Variants in NBEA observed in about 807,000 individuals in gnomAD.
NBEA encodes lysosomal-trafficking regulator 2.
A neutral mutation model predicts 343.4 loss-of-function variants in NBEA; 44 were observed. The observed-to-expected ratio is 0.13, with a 90% CI of 0.10 to 0.16. The LOEUF is 0.16. Ranked by LOEUF, NBEA falls within the 10% of genes least tolerant of loss-of-function variation. The pLI is 1.00. For missense variants in NBEA, 2,555 were observed against 3,631.3 expected, an observed-to-expected ratio of 0.70 and a Z score of 7.62; for synonymous variants, 1,175 against 1,238.7, an observed-to-expected ratio of 0.95 and a Z score of 1.08.
At chr13:34,971,734 G>A (rs2060001896) in intron 1 of NBEA, among the ~76,000 whole-genome samples, 1 of 152,014 alleles carries the variant, frequency 6.6e-6, no homozygotes, top group East Asian at 1.9e-4. Context: ...GTTTGTTGAT[G>A]TGCTGCTGGA....
chr13:35,348,637 A>G (rs1165523217), intron 36 of NBEA, among the ~76,000 whole-genome samples: 2 of 152,122 alleles, frequency 1.3e-5, no homozygotes, highest in African/African-American at 4.8e-5. Context: ...AAGAATCTAC[A>G]TGGTTTATCT....
chr13:34,950,093 A>G (rs929388825), intron 1 of NBEA, among the ~76,000 whole-genome samples: 2 of 151,958 alleles, frequency 1.3e-5, no homozygotes, highest in Non-Finnish European at 2.9e-5. Flanking sequence ...CTTGATTTTT[A>G]TGGTCTGGGG....
intron 49 of NBEA, among the ~76,000 whole-genome samples, chr13:35,643,969 T>C (rs1297501824): frequency 6.6e-6 from 1 of 152,150 alleles, no homozygotes; most frequent in African/African-American, 2.4e-5. Flanking sequence ...AGATAGTAGG[T>C]GCTCACTCTC....
chr13:35,075,243 T>C (rs180946666), intron 10 of NBEA, among the ~76,000 whole-genome samples: 96 of 152,268 alleles, frequency 6.3e-4, no homozygotes, highest in Non-Finnish European at 1.1e-3. Flanking sequence ...TATCTGATTG[T>C]AATATGAATT....
At chr13:35,475,455 G>T in intron 41 of NBEA, 8 of 1,612,900 alleles carry the variant, frequency 5.0e-6, no homozygotes, top group Non-Finnish European at 6.8e-6. Flanking sequence ...GCACCCAGGC[G>T]TCGCTCTCCG....
At chr13:35,599,540 G>C (rs1314648586) in intron 47 of NBEA, among the ~76,000 whole-genome samples, 1 of 152,162 alleles carries the variant, frequency 6.6e-6, no homozygotes. Context: ...TGTTTCTATA[G>C]CAAGGGAGCC....
intron 36 of NBEA, among the ~76,000 whole-genome samples, chr13:35,342,354 A>G (rs1321815578): frequency 6.6e-6 from 1 of 152,068 alleles, no homozygotes; most frequent in Non-Finnish European, 1.5e-5. Context: ...TTGTTATGTG[A>G]AATATATCTC....
Position 35,550,812 on chromosome 13 carries a change from A to C in NBEA, c.6704-118A>C, listed in dbSNP as rs1382277273. ...AAGTTATACTGAAAGCTGATTTTTCATGAAGATTCATTAGCTTTACAAATA... is the reference window on the plus strand; with the variant it reads ...AAGTTATACTGAAAGCTGATTTTTCCTGAAGATTCATTAGCTTTACAAATA... On this transcript the variant is annotated intron_variant, in intron 42 of 58. Coordinates refer to ENST00000379939, the MANE Select transcript of NBEA (RefSeq NM_001385012.1). 3.1e-5 allele frequency: 21 copies of C among 680,904 alleles called. No individual in the cohort carries two copies. The East Asian group carries it at 4.9e-4, about 16-fold the overall frequency. The allele number at this position is 680,904 out of a possible 1,614,324, so 42.2% of individuals were successfully genotyped here. A position where few individuals can be genotyped will look rare whatever the true frequency, so the allele number is the denominator to read the frequency against.
intron 41 of NBEA, among the ~76,000 whole-genome samples, chr13:35,531,422 G>T (rs1365958765): frequency 1.3e-5 from 2 of 151,944 alleles, no homozygotes; most frequent in Admixed American, 1.3e-4. Context: ...TCTTAGTGTT[G>T]CTGTTAGCTA....
At chr13:35,267,586 A>G (rs1594009207) in intron 34 of NBEA, among the ~76,000 whole-genome samples, 1 of 151,938 alleles carries the variant, frequency 6.6e-6, no homozygotes, top group African/African-American at 2.4e-5. Context: ...AAAGAGATAC[A>G]TATTTGCAAA....
chr13:35,232,348 T>G (rs2152770560), intron 33 of NBEA, 144 bp from the exon 34 acceptor site: 1 of 588,726 alleles, frequency 1.7e-6, no homozygotes, highest in South Asian at 2.3e-5. Flanking sequence ...CTGTACAGGG[T>G]ATCCCTTATA....
chr13:35,367,516 A>G (rs922303516), intron 38 of NBEA, among the ~76,000 whole-genome samples: 1 of 150,358 alleles, frequency 6.7e-6, no homozygotes, highest in Non-Finnish European at 1.5e-5. Context: ...ACAAATTGTA[A>G]TATCTCCTTG....
At chr13:35,120,162 C>T (rs896555833) in intron 16 of NBEA, among the ~76,000 whole-genome samples, 2 of 152,074 alleles carry the variant, frequency 1.3e-5, no homozygotes, top group Admixed American at 6.6e-5. Flanking sequence ...TGATGAAATG[C>T]AGAAATATAA....
At chr13:35,090,482 A>C (rs2065026819) in intron 10 of NBEA, among the ~76,000 whole-genome samples, 1 of 151,948 alleles carries the variant, frequency 6.6e-6, no homozygotes, top group East Asian at 1.9e-4. Flanking sequence ...TGGTAAAATT[A>C]ATGGGTTGCA....
intron 35 of NBEA, among the ~76,000 whole-genome samples, chr13:35,291,753 A>G (rs1338122705): frequency 6.6e-6 from 1 of 151,944 alleles, no homozygotes; most frequent in Non-Finnish European, 1.5e-5. Flanking sequence ...CTCATCATCT[A>G]ATCATAGGTT....
intron 10 of NBEA, among the ~76,000 whole-genome samples, chr13:35,092,200 C>T (rs914697731): frequency 3.3e-5 from 5 of 151,862 alleles, no homozygotes; most frequent in African/African-American, 7.3e-5. Flanking sequence ...GTGCTTTGAC[C>T]TAAACCTCAC....
In NBEA at chr13:35,109,334, A is replaced by G. The variant is rs769196061; in HGVS notation, c.1725A>G (p.Leu575=). The change falls in exon 12 of 59, where the codon TTA becomes TTG. Residue 575 remains leucine (L), a synonymous_variant. Coordinates refer to ENST00000379939, the MANE Select transcript of NBEA (RefSeq NM_001385012.1). Reference sequence around the variant, plus strand: ...CTAGAGCTGTCCTGGAGCAATTTTTATCTTTTGCAAAATACCTTGATGGTT... The same window carrying G: ...CTAGAGCTGTCCTGGAGCAATTTTTGTCTTTTGCAAAATACCTTGATGGTT... The part of the protein sequence containing the change: ...HITRAVLEQF[L]SFAKYLDGLS... The G allele has an allele frequency of 4.3e-6, 7 of 1,612,220 alleles. No individual in the cohort carries two copies. The highest frequency in any genetic ancestry group is 1.1e-5 in the South Asian group (1 of 90,938).
At chr13:35,381,745 C>G (rs1474854612) in intron 38 of NBEA, among the ~76,000 whole-genome samples, 1 of 151,958 alleles carries the variant, frequency 6.6e-6, no homozygotes, top group East Asian at 1.9e-4. Flanking sequence ...TTGAGAGGTC[C>G]TGACCTGCCT....
intron 2 of NBEA, among the ~76,000 whole-genome samples, chr13:35,041,679 G>C (rs1327186086): frequency 3.3e-5 from 5 of 151,748 alleles, no homozygotes; most frequent in Non-Finnish European, 5.9e-5. Context: ...TATATTATGG[G>C]CTAGAACATA....
Sources: gnomAD v4.1 joint callset for allele counts (sites outside exome capture counted in the v4.1 genomes callset) on GRCh38, gnomAD v4.1.1 for gene constraint, MANE v1.5 for transcripts, NCBI Gene and HGNC (gene_info 2026-07-23, HGNC 2026-07-21) for gene names.